The following LOC128462377 variants were observed in gnomAD, a reference collection of about 807,000 sequenced individuals.
At chr16:89,369,988 G>A in the LOC128462377 span, among the ~76,000 whole-genome samples, 3 of 152,202 alleles carry the variant, frequency 2.0e-5, no homozygotes, top group Non-Finnish European at 4.4e-5. Context: ...AGCTCAGAGA[G>A]GCTGGGGGCC....
chr16:89,389,658 C>T, the LOC128462377 span, among the ~76,000 whole-genome samples: 1 of 152,172 alleles, frequency 6.6e-6, no homozygotes, highest in Non-Finnish European at 1.5e-5. Flanking sequence ...CTCAGAGAAA[C>T]GGCATGTCAA....
At chr16:89,317,154 C>G in the LOC128462377 span, 1 of 994,976 alleles carries the variant, frequency 1.0e-6, no homozygotes, top group Non-Finnish European at 1.5e-6. Context: ...CCGCACTCAA[C>G]AGACTCAGTA....
At chr16:89,327,682 A>C in the LOC128462377 span, among the ~76,000 whole-genome samples, 1 of 127,038 alleles carries the variant, frequency 7.9e-6, no homozygotes, top group Non-Finnish European at 1.6e-5. Flanking sequence ...ACATGCTAGC[A>C]ATAATCAAAT....
chr16:89,354,527 AG>A, the LOC128462377 span, among the ~76,000 whole-genome samples: 8 of 152,180 alleles, frequency 5.3e-5, no homozygotes, highest in East Asian at 3.9e-4. Context: ...CTTGATAGGG[AG>A]GGCACTTCTA....
At chr16:89,325,573 G>A in the LOC128462377 span, among the ~76,000 whole-genome samples, 4 of 152,134 alleles carry the variant, frequency 2.6e-5, no homozygotes, top group Admixed American at 1.3e-4. Flanking sequence ...ACTTAGGGAT[G>A]CATACTTAGT....
the LOC128462377 span, among the ~76,000 whole-genome samples, chr16:89,390,069 C>G: frequency 1.7e-5 from 1 of 60,084 alleles, no homozygotes; most frequent in Non-Finnish European, 2.9e-5. Context: ...GGGGCGAACA[C>G]CGAGTGTGGC....
the LOC128462377 span, among the ~76,000 whole-genome samples, chr16:89,341,900 AC>A: frequency 8.6e-6 from 1 of 115,672 alleles, no homozygotes; most frequent in African/African-American, 4.5e-5. Flanking sequence ...CTGCACCTCC[AC>A]CCACAGCGGC....
the LOC128462377 span, among the ~76,000 whole-genome samples, chr16:89,383,094 A>G: frequency 6.6e-6 from 1 of 152,186 alleles, no homozygotes; most frequent in Admixed American, 6.5e-5. Flanking sequence ...ACACCACTGT[A>G]ATATAGGTTT....
chr16:89,402,748 G>A, the LOC128462377 span, among the ~76,000 whole-genome samples: 1 of 142,512 alleles, frequency 7.0e-6, no homozygotes, highest in African/African-American at 2.6e-5. Context: ...GAGATAGGGG[G>A]TATCTGCAGG....
At chr16:89,354,135 A>C in the LOC128462377 span, among the ~76,000 whole-genome samples, 1 of 152,144 alleles carries the variant, frequency 6.6e-6, no homozygotes, top group African/African-American at 2.4e-5. Context: ...ACTGCTTCTA[A>C]ATAATGCACT....
chr16:89,387,416 T>C, the LOC128462377 span, among the ~76,000 whole-genome samples: 1 of 151,912 alleles, frequency 6.6e-6, no homozygotes, highest in Non-Finnish European at 1.5e-5. Context: ...CTCACTCCTG[T>C]AATCCCAGCA....
At chr16:89,377,496 G>A in the LOC128462377 span, among the ~76,000 whole-genome samples, 1,558 of 152,146 alleles carry the variant, frequency 0.01, 13 homozygotes, top group Non-Finnish European at 0.017. Flanking sequence ...GCTGGGGGGC[G>A]GGGAGGGATG....
the LOC128462377 span, among the ~76,000 whole-genome samples, chr16:89,329,513 T>C: frequency 1.3e-5 from 2 of 152,206 alleles, no homozygotes; most frequent in Non-Finnish European, 2.9e-5. Context: ...CAAAACCCAC[T>C]GAGCTGTAAA....
At chr16:89,392,225 G>C in the LOC128462377 span, among the ~76,000 whole-genome samples, 1 of 152,232 alleles carries the variant, frequency 6.6e-6, no homozygotes, top group African/African-American at 2.4e-5. Context: ...AACTGCAGGC[G>C]AGTGTACCCT....
At chr16:89,369,510 C>A in the LOC128462377 span, among the ~76,000 whole-genome samples, 1,240 of 152,334 alleles carry the variant, frequency 8.1e-3, 14 homozygotes, top group African/African-American at 0.028. Flanking sequence ...GACACAAAGG[C>A]CCACAGATTG....
the LOC128462377 span, chr16:89,324,085 C>T: frequency 5.6e-6 from 2 of 359,016 alleles, no homozygotes; most frequent in Middle Eastern, 2.2e-3. Context: ...CTCTTGACCT[C>T]ATGATCTGCC....
chr16:89,336,675 C>T, the LOC128462377 span, among the ~76,000 whole-genome samples: 10 of 152,334 alleles, frequency 6.6e-5, no homozygotes, highest in Admixed American at 2.6e-4. Flanking sequence ...ACAGGGAGCA[C>T]AGGCACTAGG....
At chr16:89,414,707 G>C in the LOC128462377 span, among the ~76,000 whole-genome samples, 4 of 152,266 alleles carry the variant, frequency 2.6e-5, no homozygotes, top group African/African-American at 9.6e-5. Flanking sequence ...CAAGGCTGTC[G>C]GGGACCCTAT....
the LOC128462377 span, among the ~76,000 whole-genome samples, chr16:89,337,007 C>CAAAAAA: frequency 8.4e-3 from 400 of 47,730 alleles, 7 homozygotes; most frequent in Non-Finnish European, 0.011. Flanking sequence ...CTGGCTCTAC[C>CAAAAAA]AAAAAAAAAA....
Sources: gnomAD v4.1 joint callset for allele counts (sites outside exome capture counted in the v4.1 genomes callset) on GRCh38, gnomAD v4.1.1 for gene constraint, MANE v1.5 for transcripts.